PTPRM: variants seen among roughly 807,000 people sequenced by gnomAD.
PTPRM encodes the protein receptor-type tyrosine-protein phosphatase mu.
In PTPRM, 47 loss-of-function variants were observed where a neutral mutation model predicts 186.7. The observed-to-expected ratio is 0.25, with a 90% confidence interval of 0.20 to 0.32. PTPRM has a LOEUF of 0.32. PTPRM is among the 10% of genes least tolerant of loss of function. The pLI, the probability that PTPRM is intolerant of heterozygous loss-of-function variation, is 1.00. For synonymous variants in PTPRM, 668 were observed against 674.9 expected (o/e 0.99, Z 0.16); for missense variants, 1,494 against 1,865.0 (o/e 0.80, Z 3.66).
chr18:7,811,220 A>G (rs1310752942), intron 2 of PTPRM, among the ~76,000 whole-genome samples: 1 of 152,252 alleles, frequency 6.6e-6, no homozygotes, highest in Non-Finnish European at 1.5e-5. Context: ...ACTGGTTTCC[A>G]TCAGAGACAC....
intron 7 of PTPRM, among the ~76,000 whole-genome samples, chr18:8,011,697 A>G (rs947404420): frequency 6.6e-6 from 1 of 152,186 alleles, no homozygotes; most frequent in African/African-American, 2.4e-5. Context: ...TTAGGAAATA[A>G]CTGCCCAAGA....
chr18:7,711,213 C>A (rs901881936), intron 1 of PTPRM, among the ~76,000 whole-genome samples: 1 of 152,082 alleles, frequency 6.6e-6, no homozygotes, highest in Non-Finnish European at 1.5e-5. Flanking sequence ...ATTGCCTCAC[C>A]CGGGAAGCTC....
At chr18:8,234,458 T>C (rs1239714886) in intron 14 of PTPRM, among the ~76,000 whole-genome samples, 4 of 152,228 alleles carry the variant, frequency 2.6e-5, no homozygotes, top group African/African-American at 9.6e-5. Flanking sequence ...TACATTTGCT[T>C]ATTAGTACTA....
chr18:7,775,216 A>G (rs894768340), intron 2 of PTPRM, among the ~76,000 whole-genome samples: 2 of 152,162 alleles, frequency 1.3e-5, no homozygotes, highest in African/African-American at 2.4e-5. Flanking sequence ...TCTCCTTCCT[A>G]CATTTAACTA....
intron 7 of PTPRM, among the ~76,000 whole-genome samples, chr18:8,032,738 A>G (rs1432033645): frequency 6.6e-6 from 1 of 152,146 alleles, no homozygotes; most frequent in African/African-American, 2.4e-5. Context: ...TAGGATAAAA[A>G]TAGAAAATAC....
At position 7,670,022 on chromosome 18, in the gene PTPRM, G is replaced by T. The variant is rs572452664; in HGVS notation, c.73+102131G>T. 2.0e-5 allele frequency among the ~76,000 whole-genome samples: 3 copies of T among 152,248 alleles called. No individual in the cohort carries two copies. The East Asian group carries it at 5.8e-4, about 29-fold the overall frequency. Reference sequence around the variant, plus strand: ...GACTCCCAAAGTGCTGGGATTACAGGTGTGAGCCACCATGCCTGGCCAGCC... The same window carrying T: ...GACTCCCAAAGTGCTGGGATTACAGTTGTGAGCCACCATGCCTGGCCAGCC... On this transcript the variant is annotated intron_variant, in intron 1 of 32. Transcript: ENST00000580170.
intron 1 of PTPRM, among the ~76,000 whole-genome samples, chr18:7,614,477 C>G (rs1346107406): frequency 6.6e-6 from 1 of 152,156 alleles, no homozygotes; most frequent in Non-Finnish European, 1.5e-5. Context: ...GAGCTTCTTG[C>G]AAGCTTAGAA....
At chr18:8,401,410 G>T (rs1434494092) in intron 32 of PTPRM, among the ~76,000 whole-genome samples, 1 of 152,208 alleles carries the variant, frequency 6.6e-6, no homozygotes, top group Admixed American at 6.5e-5. Context: ...GCACAGAGTG[G>T]CTGGCCACAA....
chr18:7,910,305 G>A (rs1024403050), intron 4 of PTPRM, among the ~76,000 whole-genome samples: 5 of 152,188 alleles, frequency 3.3e-5, no homozygotes, highest in Non-Finnish European at 5.9e-5. Flanking sequence ...GTTACTGGTG[G>A]AGGGTGTCCA....
chr18:7,717,016 C>T (rs2040349349), intron 1 of PTPRM, among the ~76,000 whole-genome samples: 1 of 152,160 alleles, frequency 6.6e-6, no homozygotes, highest in South Asian at 2.1e-4. Flanking sequence ...GACACATGCA[C>T]ACATATGTTT....
At chr18:8,085,437 C>T (rs534134191) in intron 9 of PTPRM, among the ~76,000 whole-genome samples, 1 of 152,292 alleles carries the variant, frequency 6.6e-6, no homozygotes, top group Non-Finnish European at 1.5e-5. Flanking sequence ...TAACCCCGAA[C>T]TCATCCTGTA....
Position 7,572,479 on chromosome 18 carries a change from G to A in PTPRM, c.73+4588G>A, listed in dbSNP as rs964307053. ...CTCTAAGGATTGTAATATATTCTAG[G>A]AATTGTGAGGCTGTATACAGTAGAG... On this transcript the variant is annotated intron_variant, in intron 1 of 32. Coordinates refer to ENST00000580170, the MANE Select transcript of PTPRM (RefSeq NM_001105244.2). 3.2e-4 allele frequency among the ~76,000 whole-genome samples: 48 copies of A among 152,164 alleles called. 1 individual carries two copies. Among genetic ancestry groups the A allele is most frequent in the Middle Eastern group, 3.4e-3 (1 of 294 alleles).
chr18:8,185,541 C>T (rs564257654), intron 14 of PTPRM, among the ~76,000 whole-genome samples: 1 of 152,342 alleles, frequency 6.6e-6, no homozygotes, highest in South Asian at 2.1e-4. Context: ...TGTCACTAGA[C>T]ATTACCGTCT....
intron 1 of PTPRM, among the ~76,000 whole-genome samples, chr18:7,580,289 A>G (rs1219960346): frequency 6.6e-6 from 1 of 152,212 alleles, no homozygotes; most frequent in Non-Finnish European, 1.5e-5. Flanking sequence ...ACTGGGTCCC[A>G]TCTGAGAGAG....
intron 24 of PTPRM, among the ~76,000 whole-genome samples, chr18:8,375,743 T>A (rs2095690502): frequency 6.6e-6 from 1 of 152,224 alleles, no homozygotes; most frequent in Admixed American, 6.5e-5. Context: ...TTTAACATAG[T>A]CTACTTTTTA....
At chr18:7,862,955 A>G (rs1035878034) in intron 2 of PTPRM, among the ~76,000 whole-genome samples, 9 of 152,184 alleles carry the variant, frequency 5.9e-5, no homozygotes, top group African/African-American at 2.2e-4. Context: ...ACAAACTTGT[A>G]AAGGGAGATT....
At chr18:7,613,870 T>G (rs915297982) in intron 1 of PTPRM, among the ~76,000 whole-genome samples, 11 of 152,184 alleles carry the variant, frequency 7.2e-5, no homozygotes, top group African/African-American at 2.7e-4. Flanking sequence ...GTAGATAAAT[T>G]ATAATGTTGC....
chr18:7,812,316 G>T (rs889670567), intron 2 of PTPRM, among the ~76,000 whole-genome samples: 1 of 152,150 alleles, frequency 6.6e-6, no homozygotes, highest in Non-Finnish European at 1.5e-5. Flanking sequence ...TAGGTGCATT[G>T]TGCACTGCTG....
chr18:8,252,458 T>C, intron 17 of PTPRM, 30 bp from the exon 18 acceptor site: 1 of 1,524,760 alleles, frequency 6.6e-7, no homozygotes, highest in Non-Finnish European at 9.1e-7. Context: ...TTCTCCTCCT[T>C]TTTTCTCCTG....
Sources: gnomAD v4.1 joint callset for allele counts (sites outside exome capture counted in the v4.1 genomes callset) on GRCh38, gnomAD v4.1.1 for gene constraint, MANE v1.5 for transcripts, NCBI Gene and HGNC (gene_info 2026-07-23, HGNC 2026-07-21) for gene names.